Variants in CADPS2 observed in about 807,000 individuals in gnomAD.
CADPS2 encodes calcium dependent secretion activator 2.
Under a neutral mutation model 172.5 loss-of-function variants are expected in CADPS2, and 93 were observed. The ratio of observed to expected loss-of-function variants is 0.54; its 90% CI spans 0.46 to 0.64. CADPS2 has a LOEUF of 0.64. Ranked by LOEUF, CADPS2 falls within the 30% of genes least tolerant of loss-of-function variation. The probability of loss-of-function intolerance (pLI) is 0.00; values close to 1 mark genes in which losing one functional copy is unlikely to be tolerated. For synonymous variants in CADPS2, 546 were observed against 555.2 expected, an observed-to-expected ratio of 0.98 and a Z score of 0.23; for missense variants, 1,420 against 1,565.9, an observed-to-expected ratio of 0.91 and a Z score of 1.57.
At chr7:122,759,620 TA>T (rs1428233294) in intron 1 of CADPS2, among the ~76,000 whole-genome samples, 2 of 151,990 alleles carry the variant, frequency 1.3e-5, no homozygotes, top group Non-Finnish European at 2.9e-5. Context: ...TTTTATAGAC[TA>T]CATAGTCATT....
intron 1 of CADPS2, among the ~76,000 whole-genome samples, chr7:122,750,783 T>A (rs532612770): frequency 1.3e-5 from 2 of 152,270 alleles, no homozygotes; most frequent in Admixed American, 6.5e-5. Flanking sequence ...ACCCCACACC[T>A]ACTATTTCAG....
intron 1 of CADPS2, among the ~76,000 whole-genome samples, chr7:122,818,677 C>T (rs182283786): frequency 6.6e-6 from 1 of 152,142 alleles, no homozygotes; most frequent in African/African-American, 2.4e-5. Context: ...ATCACCTCCC[C>T]TCCTCACACC....
At chr7:122,757,427 C>A (rs2093210374) in intron 1 of CADPS2, among the ~76,000 whole-genome samples, 1 of 152,062 alleles carries the variant, frequency 6.6e-6, no homozygotes. Flanking sequence ...GGATTACAGG[C>A]ACGAGCCACT....
At chr7:122,418,196 C>A (rs1280175566) in intron 17 of CADPS2, among the ~76,000 whole-genome samples, 1 of 151,572 alleles carries the variant, frequency 6.6e-6, no homozygotes, top group Non-Finnish European at 1.5e-5. Context: ...GTTACATTTT[C>A]TTGAGAGCCA....
intron 2 of CADPS2, among the ~76,000 whole-genome samples, chr7:122,725,370 C>CGT (rs139136753): frequency 7.3e-5 from 11 of 151,154 alleles, no homozygotes; most frequent in South Asian, 2.1e-4. Context: ...TATGCATATG[C>CGT]GTGTGTGTGT....
chr7:122,572,546 A>C (rs1054598870), intron 7 of CADPS2, among the ~76,000 whole-genome samples: 1 of 152,250 alleles, frequency 6.6e-6, no homozygotes, highest in African/African-American at 2.4e-5. Context: ...CCCTCCAAAA[A>C]TTTTTTTGTA....
At chr7:122,692,963 A>G (rs555552659) in intron 2 of CADPS2, among the ~76,000 whole-genome samples, 1 of 152,340 alleles carries the variant, frequency 6.6e-6, no homozygotes, top group Non-Finnish European at 1.5e-5. Context: ...TACCTTTTAC[A>G]GACAATAGTG....
intron 2 of CADPS2, among the ~76,000 whole-genome samples, chr7:122,677,905 G>A (rs943016803): frequency 4.6e-5 from 7 of 152,304 alleles, no homozygotes; most frequent in Admixed American, 1.3e-4. Flanking sequence ...CAAGCATTCC[G>A]CAGCTTGATG....
At chr7:122,823,033 G>A (rs1161247869) in intron 1 of CADPS2, among the ~76,000 whole-genome samples, 1 of 152,144 alleles carries the variant, frequency 6.6e-6, no homozygotes, top group Non-Finnish European at 1.5e-5. Context: ...TCTCATTATA[G>A]TTTTGATTTG....
chr7:122,513,512 T>C (rs543888376), intron 8 of CADPS2, among the ~76,000 whole-genome samples, 197 bp from the exon 9 acceptor site: 4 of 152,194 alleles, frequency 2.6e-5, no homozygotes, highest in Non-Finnish European at 2.9e-5. Context: ...CGAAAGGGAA[T>C]TGATTTATGT....
intron 4 of CADPS2, among the ~76,000 whole-genome samples, chr7:122,626,649 G>T (rs866560054): frequency 6.6e-6 from 1 of 152,048 alleles, no homozygotes; most frequent in South Asian, 2.1e-4. Context: ...TGGGGCTATC[G>T]CAAATAAAAT....
chr7:122,592,847 G>A lies in CADPS2; in HGVS notation c.1224-11557C>T, dbSNP rs550263311. 5.3e-5 allele frequency among the ~76,000 whole-genome samples: 8 copies of A among 151,162 alleles called. No individual in the cohort carries two copies. In the South Asian group the frequency reaches 1.5e-3, roughly 28 times the overall value. ...CACTGGGGCCTTCCAGGGGGATGGG[G>A]GGAGGGGGGAGGAATAGCATTAGGA... is the stretch of plus-strand genomic sequence containing the variant. On this transcript the variant is annotated intron_variant, in intron 6 of 29. Coordinates refer to ENST00000449022, the MANE Select transcript of CADPS2 (RefSeq NM_017954.11).
At chr7:122,698,750 C>T in intron 2 of CADPS2, 1 of 1,613,852 alleles carries the variant, frequency 6.2e-7, no homozygotes, top group Non-Finnish European at 8.5e-7. Context: ...CCAGTCTCTC[C>T]CAACTCTGAC....
At chr7:122,340,397 G>A (rs942895983) in intron 28 of CADPS2, among the ~76,000 whole-genome samples, 2 of 152,152 alleles carry the variant, frequency 1.3e-5, no homozygotes, top group East Asian at 3.9e-4. Context: ...ATTCAAGGTG[G>A]GCAGTGCCCA....
intron 6 of CADPS2, among the ~76,000 whole-genome samples, chr7:122,590,615 G>C (rs1456512332): frequency 1.3e-5 from 2 of 151,582 alleles, no homozygotes; most frequent in Non-Finnish European, 2.9e-5. Context: ...ATGATGAAAA[G>C]AATAAAAGAT....
intron 3 of CADPS2, among the ~76,000 whole-genome samples, chr7:122,640,800 G>A (rs1195762634): frequency 5.3e-5 from 8 of 151,962 alleles, no homozygotes; most frequent in African/African-American, 1.4e-4. Flanking sequence ...CGGACTTGGC[G>A]GCGGGCGCCT....
intron 6 of CADPS2, among the ~76,000 whole-genome samples, chr7:122,610,668 T>G (rs116112166): frequency 6.6e-6 from 1 of 152,102 alleles, no homozygotes; most frequent in Non-Finnish European, 1.5e-5. Flanking sequence ...TCATCTAATC[T>G]ACAATAGATG....
chr7:122,822,439 C>A (rs992669180), intron 1 of CADPS2, among the ~76,000 whole-genome samples: 1 of 152,004 alleles, frequency 6.6e-6, no homozygotes, highest in Non-Finnish European at 1.5e-5. Context: ...TTGAAGCAAC[C>A]CTGAGAAACA....
At chr7:122,665,631 T>C (rs766658870) in intron 2 of CADPS2, among the ~76,000 whole-genome samples, 1 of 152,242 alleles carries the variant, frequency 6.6e-6, no homozygotes, top group Non-Finnish European at 1.5e-5. Flanking sequence ...ACATCTCATG[T>C]AATTTGTCAA....
Sources: gnomAD v4.1 joint callset for allele counts (sites outside exome capture counted in the v4.1 genomes callset) on GRCh38, gnomAD v4.1.1 for gene constraint, MANE v1.5 for transcripts, NCBI Gene and HGNC (gene_info 2026-07-23, HGNC 2026-07-21) for gene names.